The following MBNL2 variants were observed in gnomAD, a reference collection of about 807,000 sequenced individuals.
The protein encoded by MBNL2 is muscleblind-like protein 2.
In MBNL2, 17 loss-of-function variants were observed where a neutral mutation model predicts 41.9. The ratio of observed to expected loss-of-function variants is 0.41; its 90% confidence interval spans 0.28 to 0.61. The LOEUF (loss-of-function observed/expected upper bound fraction) is 0.61. Ranked by LOEUF, MBNL2 falls within the 20% of genes least tolerant of loss-of-function variation. The pLI is 0.35. For missense variants in MBNL2, 336 were observed against 505.6 expected, an observed-to-expected ratio of 0.66 and a Z score of 3.22; for synonymous variants, 195 against 182.9, an observed-to-expected ratio of 1.07 and a Z score of -0.53.
chr13:97,314,126 T>C (rs565285855), intron 2 of MBNL2, among the ~76,000 whole-genome samples: 1 of 152,224 alleles, frequency 6.6e-6, no homozygotes, highest in Admixed American at 6.5e-5. Context: ...CAATCTTAAG[T>C]TACTGCTCTT....
At chr13:97,207,422 T>C in the MBNL2 span, among the ~76,000 whole-genome samples, 2 of 152,184 alleles carry the variant, frequency 1.3e-5, no homozygotes, top group Non-Finnish European at 2.9e-5. Flanking sequence ...CTCACAATCA[T>C]GGTGGAAGGC....
At chr13:97,301,811 C>T (rs2057653223) in intron 2 of MBNL2, among the ~76,000 whole-genome samples, 1 of 152,198 alleles carries the variant, frequency 6.6e-6, no homozygotes, top group Non-Finnish European at 1.5e-5. Context: ...CAAATGCTGA[C>T]CAAGAGTCCT....
the MBNL2 span, among the ~76,000 whole-genome samples, chr13:97,199,317 A>G: frequency 3.9e-5 from 6 of 152,156 alleles, no homozygotes; most frequent in African/African-American, 1.4e-4. Flanking sequence ...TTTCTATCTT[A>G]GCCTTATTTT....
chr13:97,257,553 G>C (rs1242277496), intron 1 of MBNL2, among the ~76,000 whole-genome samples: 1 of 152,216 alleles, frequency 6.6e-6, no homozygotes, highest in East Asian at 1.9e-4. Context: ...GCATAACTGA[G>C]AAAATACCCA....
chr13:97,357,176 T>G (rs551097595), intron 6 of MBNL2, among the ~76,000 whole-genome samples: 1 of 152,308 alleles, frequency 6.6e-6, no homozygotes, highest in African/African-American at 2.4e-5. Flanking sequence ...CACCAATGCT[T>G]CGTCCCCCCT....
chr13:97,297,505 A>G (rs1050416872), intron 2 of MBNL2, among the ~76,000 whole-genome samples: 1 of 152,058 alleles, frequency 6.6e-6, no homozygotes, highest in Middle Eastern at 3.2e-3. Context: ...AATGGGTAAG[A>G]GTGGGTACCA....
At chr13:97,363,171 A>C (rs1248911150) in intron 7 of MBNL2, 2 of 152,174 alleles carry the variant, frequency 1.3e-5, no homozygotes, top group African/African-American at 4.8e-5. Context: ...CTTATGAGAC[A>C]TCCAAGCAGA....
In MBNL2 at chr13:97,366,281, A is replaced by C. The variant is rs1379603824; in HGVS notation, c.1048+1110A>C. Among the ~76,000 whole-genome samples the C allele has an allele frequency of 1.3e-5, 2 of 152,004 alleles. No homozygotes were observed. The highest frequency in any genetic ancestry group is 3.9e-4 in the East Asian group (2 of 5,190). ...CCTTTAATTGTACTTGTAATAAGCT[A>C]TTTTCCCTTTTTTATTTCTCTCCCA... On this transcript the variant is annotated intron_variant, in intron 8 of 8. Transcript: ENST00000679496. The surrounding 1 kb of genome is among the most constrained non-coding windows in gnomAD (Gnocchi z 4.7).
intron 5 of MBNL2, among the ~76,000 whole-genome samples, chr13:97,347,384 G>C (rs1473943422): frequency 1.3e-5 from 2 of 152,158 alleles, no homozygotes. Context: ...CAGGGGCCTT[G>C]TAATGAACAT....
chr13:97,310,320 A>G (rs2058475839), intron 2 of MBNL2, among the ~76,000 whole-genome samples: 2 of 152,222 alleles, frequency 1.3e-5, no homozygotes, highest in African/African-American at 4.8e-5. Flanking sequence ...TTTTCATGAT[A>G]CAATGCTAAT....
the MBNL2 span, among the ~76,000 whole-genome samples, chr13:97,173,396 C>G: frequency 9.2e-5 from 14 of 152,182 alleles, no homozygotes; most frequent in Non-Finnish European, 1.9e-4. Context: ...ATTGTGGTTC[C>G]CACTATGCAG....
At chr13:97,160,185 C>T in the MBNL2 span, among the ~76,000 whole-genome samples, 200 of 152,272 alleles carry the variant, frequency 1.3e-3, 1 homozygote, top group African/African-American at 4.2e-3. Context: ...ATTAATTCTA[C>T]GGTGAAAGAG....
At chr13:97,339,554 T>C (rs9556706) in intron 3 of MBNL2, among the ~76,000 whole-genome samples, 92,178 of 151,928 alleles carry the variant, frequency 0.61, 30,659 homozygotes, top group African/African-American at 0.9. Flanking sequence ...GCAGAAACTG[T>C]AGGGCTAATT....
chr13:97,241,202 A>G (rs914623470), intron 1 of MBNL2, among the ~76,000 whole-genome samples: 1 of 152,164 alleles, frequency 6.6e-6, no homozygotes, highest in Non-Finnish European at 1.5e-5. Flanking sequence ...CCTGTGTTGG[A>G]AGACTCAATA....
At chr13:97,252,168 T>C (rs1309622374) in intron 1 of MBNL2, among the ~76,000 whole-genome samples, 1 of 152,096 alleles carries the variant, frequency 6.6e-6, no homozygotes, top group Admixed American at 6.6e-5. Context: ...AATTCTTATA[T>C]ATACTGGGAT....
chr13:97,220,207 A>G (rs1477128566), upstream of MBNL2, among the ~76,000 whole-genome samples: 1 of 152,262 alleles, frequency 6.6e-6, no homozygotes, highest in Admixed American at 6.5e-5. Context: ...TGTGCCAGTC[A>G]CTGCATAGAC....
chr13:97,345,502 G>A (rs998673786), intron 4 of MBNL2, among the ~76,000 whole-genome samples: 1 of 152,170 alleles, frequency 6.6e-6, no homozygotes, highest in African/African-American at 2.4e-5. Context: ...CTAGTTACTT[G>A]AGATTTCAGG....
chr13:97,216,379 G>A, the MBNL2 span, among the ~76,000 whole-genome samples: 1 of 151,986 alleles, frequency 6.6e-6, no homozygotes, highest in African/African-American at 2.4e-5. Flanking sequence ...CTTATGATTT[G>A]GTTTATACAT....
chr13:97,230,239 G>A (rs952790406), intron 1 of MBNL2, among the ~76,000 whole-genome samples: 15 of 152,266 alleles, frequency 9.9e-5, no homozygotes, highest in Admixed American at 3.9e-4. Context: ...CAGAGGTTGC[G>A]GTGAGCTGAG....
Sources: gnomAD v4.1 joint callset for allele counts (sites outside exome capture counted in the v4.1 genomes callset) on GRCh38, gnomAD v4.1.1 for gene constraint, Gnocchi (gnomAD v3.1) non-coding constraint, MANE v1.5 for transcripts, NCBI Gene and HGNC (gene_info 2026-07-23, HGNC 2026-07-21) for gene names.